The following LOXL1 variants were observed in gnomAD, a reference collection of about 807,000 sequenced individuals.
LOXL1 encodes the protein lysyl oxidase homolog 1.
A neutral mutation model predicts 62.2 loss-of-function variants in LOXL1; 31 were observed. The ratio of observed to expected loss-of-function variants is 0.50; its 90% CI spans 0.37 to 0.67. LOXL1 has a LOEUF of 0.67. Among genes scored for constraint, LOXL1 ranks in the 30% least tolerant of loss-of-function variants. LOXL1 has a pLI of 0.00. For missense variants in LOXL1, 775 were observed against 843.4 expected, an observed-to-expected ratio of 0.92 and a Z score of 1.00; for synonymous variants, 403 against 384.4, an observed-to-expected ratio of 1.05 and a Z score of -0.56.
chr15:73,930,615 C>T lies in LOXL1; in HGVS notation c.1102+2730C>T, dbSNP rs1444500460. On this transcript the variant is annotated intron_variant, in intron 1 of 6. Transcript: ENST00000261921. This position sits in a 1 kb window ranked among gnomAD's most constrained non-coding sequence, Gnocchi z 4.7. The stretch of plus-strand genomic sequence containing the variant: ...ACACCCAGGGGTCTGAGGCTGGGCG[C>T]TGGCAGCCTGTGAGTGTGTGTGGGC... 6.6e-6 allele frequency among the ~76,000 whole-genome samples: 1 copy of T among 152,164 alleles called. No homozygotes were observed. Among genetic ancestry groups the T allele is most frequent in the East Asian group, 1.9e-4 (1 of 5,174 alleles).
At chr15:73,951,365 T>A (rs547620004) in intron 6 of LOXL1, among the ~76,000 whole-genome samples, 2 of 152,162 alleles carry the variant, frequency 1.3e-5, no homozygotes, top group East Asian at 3.9e-4. Flanking sequence ...CCGGGCCTTA[T>A]TAGAGTGTCT....
chr15:73,946,298 C>T, intron 2 of LOXL1, 119 bp from the exon 3 acceptor site: 1 of 684,780 alleles, frequency 1.5e-6, no homozygotes, highest in Non-Finnish European at 2.5e-6. Context: ...TCTTCAGGGA[C>T]AAGGAGTGGG....
At chr15:73,947,749 G>A (rs529007161) in intron 4 of LOXL1, 58 bp from the exon 5 acceptor site, 39 of 1,222,878 alleles carry the variant, frequency 3.2e-5, no homozygotes, top group Middle Eastern at 1.9e-4. Flanking sequence ...GAAGGTGGGC[G>A]TGGGGTGGCT....
At chr15:73,946,385 A>AC (rs754139345) in intron 2 of LOXL1, 32 bp from the exon 3 acceptor site, 514 of 1,457,274 alleles carry the variant, frequency 3.5e-4, no homozygotes, top group East Asian at 2.5e-3. Flanking sequence ...CTGTGCCCCA[A>AC]CCCCCCCTCA....
intron 6 of LOXL1, among the ~76,000 whole-genome samples, chr15:73,951,418 G>A (rs1001416574): frequency 2.0e-5 from 3 of 152,104 alleles, no homozygotes; most frequent in Non-Finnish European, 1.5e-5. Flanking sequence ...CTGGGCCAGC[G>A]TGCACAGGAA....
chr15:73,928,869 GAAAA>G (rs5813730), intron 1 of LOXL1, among the ~76,000 whole-genome samples: 1 of 137,490 alleles, frequency 7.3e-6, no homozygotes. Context: ...GCACCCCGAG[GAAAA>G]AAAAAAAAAA....
At chr15:73,935,862 G>A (rs1386597880) in intron 1 of LOXL1, among the ~76,000 whole-genome samples, 1 of 152,086 alleles carries the variant, frequency 6.6e-6, no homozygotes, top group Non-Finnish European at 1.5e-5. Context: ...CAGGGTGGTG[G>A]TGGAGGGGTG....
chr15:73,947,507 C>T (rs2068756392), intron 4 of LOXL1: 1 of 496,974 alleles, frequency 2.0e-6, no homozygotes, highest in Non-Finnish European at 3.6e-6. Context: ...TGTTCACCCA[C>T]CCATATCCCT....
Position 73,930,083 on chromosome 15 carries a change from G to A in LOXL1, c.1102+2198G>A, listed in dbSNP as rs2068625344. Among the ~76,000 whole-genome samples the A allele has an allele frequency of 1.3e-5, 2 of 152,198 alleles. No individual in the cohort carries two copies. Among genetic ancestry groups the A allele is most frequent in the African/African-American group, 4.8e-5 (2 of 41,454 alleles). Reference sequence around the variant, plus strand: ...GGGTCAAAAACATTTCTCCCCTGAAGGTAGCATCCTAGGTGCCAAGCTGAG... The same window carrying A: ...GGGTCAAAAACATTTCTCCCCTGAAAGTAGCATCCTAGGTGCCAAGCTGAG... On this transcript the variant is annotated intron_variant, in intron 1 of 6. Coordinates refer to ENST00000261921, the MANE Select transcript of LOXL1 (RefSeq NM_005576.4). The surrounding 1 kb of genome is among the most constrained non-coding windows in gnomAD (Gnocchi z 4.7).
Position 73,950,906 on chromosome 15 carries a change from A to G in LOXL1, c.1719-925A>G, listed in dbSNP as rs375947165. Among the ~76,000 whole-genome samples the G allele has an allele frequency of 1.2e-4, 18 of 152,378 alleles. No homozygotes were observed. The East Asian group carries it at 1.9e-3, about 16-fold the overall frequency. On this transcript the variant is annotated intron_variant, in intron 6 of 6. Transcript: ENST00000261921. Reference sequence around the variant, plus strand: ...TGCAGAGATTAGGTTCCTCATGAGTAGAATGAGATCAGAATTCCCCAGGGC... The same window carrying G: ...TGCAGAGATTAGGTTCCTCATGAGTGGAATGAGATCAGAATTCCCCAGGGC...
chr15:73,947,305 A>T lies in LOXL1; in HGVS notation c.1506+82A>T, dbSNP rs111963308. The T allele has an allele frequency of 1.2e-3, 1,795 of 1,474,348 alleles. 18 individuals carry two copies. The African/African-American group carries it at 0.022, about 18-fold the overall frequency. 91.3% of individuals were successfully genotyped at this position (1,474,348 alleles called of 1,614,324 possible). ...AGAGCGAGGCCCGCTGAGGCCCGGC[A>T]AGTGCCAAGGCTTCTGGCCACTCAG... On this transcript the variant is annotated intron_variant, in intron 4 of 6. Transcript: ENST00000261921.
At position 73,951,943 on chromosome 15, in the gene LOXL1, G is replaced by A; in HGVS notation, c.*106G>A. ...AGCCCCCAACCCACAGGCACGGAGG[G>A]GCATCCCTCCCTGCCGGCCTCAGGG... On this transcript the variant is annotated 3_prime_UTR_variant, in exon 7 of 7. Transcript: ENST00000261921. The A allele has an allele frequency of 6.8e-6, 7 of 1,026,138 alleles. No homozygotes were observed. In the East Asian group the frequency reaches 9.3e-5, roughly 14 times the overall value. 63.6% of individuals were successfully genotyped at this position (1,026,138 alleles called of 1,614,324 possible).
In LOXL1 at chr15:73,930,522, A is replaced by T. The variant is rs1243708044; in HGVS notation, c.1102+2637A>T. Among the ~76,000 whole-genome samples, 1 of 152,192 alleles carries T rather than the reference A, an allele frequency of 6.6e-6. No individual in the cohort carries two copies. The highest frequency in any genetic ancestry group is 1.9e-4 in the East Asian group (1 of 5,184). ...AAGGCCAAGCCTTGTGCTTGAGATC[A>T]GACCCCCAGGCCTGGTGTGGGAGCC... On this transcript the variant is annotated intron_variant, in intron 1 of 6. Coordinates refer to ENST00000261921, the MANE Select transcript of LOXL1 (RefSeq NM_005576.4). The surrounding 1 kb of genome is among the most constrained non-coding windows in gnomAD (Gnocchi z 4.7).
At chr15:73,942,146 G>C (rs2068718282) in intron 1 of LOXL1, 1 of 154,026 alleles carries the variant, frequency 6.5e-6, no homozygotes, top group Non-Finnish European at 1.4e-5. Flanking sequence ...ATGGGGGGCG[G>C]GGGTATGGGG....
At chr15:73,949,218 A>T (rs1207872006) in intron 5 of LOXL1, among the ~76,000 whole-genome samples, 1 of 152,208 alleles carries the variant, frequency 6.6e-6, no homozygotes, top group African/African-American at 2.4e-5. Flanking sequence ...CCCACCTGGC[A>T]TAGGCTCTAG....
intron 1 of LOXL1, among the ~76,000 whole-genome samples, chr15:73,938,312 T>G: frequency 1.3e-5 from 2 of 151,504 alleles, no homozygotes; most frequent in Non-Finnish European, 1.5e-5. Flanking sequence ...TCTATCTATC[T>G]ATCTAGGTAG....
intron 1 of LOXL1, 82 bp downstream of exon 1, chr15:73,927,967 A>G (rs768645982): frequency 6.2e-5 from 76 of 1,222,092 alleles, no homozygotes; most frequent in Non-Finnish European, 7.8e-5. Flanking sequence ...GCCCCTCCTT[A>G]GAACTTCCTG....
intron 1 of LOXL1, among the ~76,000 whole-genome samples, chr15:73,935,683 G>T (rs1177666632): frequency 1.3e-5 from 2 of 152,166 alleles, no homozygotes; most frequent in Non-Finnish European, 2.9e-5. Context: ...TGAGCAGGGA[G>T]CTGACCTCCG....
At chr15:73,936,982 G>T (rs2068677905) in intron 1 of LOXL1, among the ~76,000 whole-genome samples, 1 of 152,254 alleles carries the variant, frequency 6.6e-6, no homozygotes, top group Admixed American at 6.5e-5. Context: ...GGGCCAGCTA[G>T]TTCAGTCTCC....
Sources: gnomAD v4.1 joint callset for allele counts (sites outside exome capture counted in the v4.1 genomes callset) on GRCh38, gnomAD v4.1.1 for gene constraint, Gnocchi (gnomAD v3.1) non-coding constraint, MANE v1.5 for transcripts, NCBI Gene and HGNC (gene_info 2026-07-23, HGNC 2026-07-21) for gene names.